RAB11FIP1: variants seen among roughly 807,000 people sequenced by gnomAD.
RAB11FIP1 encodes rab11 family-interacting protein 1.
A neutral mutation model predicts 83.1 loss-of-function variants in RAB11FIP1; 49 were observed. That is an observed-to-expected ratio of 0.59 (90% CI 0.47 to 0.75). The LOEUF (loss-of-function observed/expected upper bound fraction) is 0.75. RAB11FIP1 is among the 30% of genes least tolerant of loss of function. The pLI is 0.00. For synonymous variants in RAB11FIP1, 670 were observed against 656.0 expected (o/e 1.02, Z -0.33); for missense variants, 1,536 against 1,598.7 (o/e 0.96, Z 0.67).
chr8:37,871,260 A>G lies in RAB11FIP1; in HGVS notation c.3524+18T>C. On this transcript the variant is annotated intron_variant, in intron 4 of 5. Transcript: ENST00000330843. ...GACATTGCTCACATTTACATAGACA[A>G]TCTCCCCCATCTCTCACCTGTGCTT... The G allele has an allele frequency of 6.3e-7, 1 of 1,582,414 alleles. No individual in the cohort carries two copies. Among genetic ancestry groups the G allele is most frequent in the Non-Finnish European group, 8.6e-7 (1 of 1,167,552 alleles).
At chr8:37,889,863 A>G (rs1409746973) in intron 1 of RAB11FIP1, among the ~76,000 whole-genome samples, 1 of 152,014 alleles carries the variant, frequency 6.6e-6, no homozygotes, top group Non-Finnish European at 1.5e-5. Context: ...GGCTCACCGC[A>G]AGCTCTGCCT....
At chr8:37,878,047 TTTG>T (rs1806653894) in intron 1 of RAB11FIP1, 1 of 152,150 alleles carries the variant, frequency 6.6e-6, no homozygotes, top group African/African-American at 2.5e-5. Context: ...TTTTATTTCT[TTTG>T]TTTTGTTTTT....
At chr8:37,869,003 G>A (rs1187685536) in intron 5 of RAB11FIP1, among the ~76,000 whole-genome samples, 3 of 152,052 alleles carry the variant, frequency 2.0e-5, no homozygotes, top group Non-Finnish European at 2.9e-5. Context: ...CAAAGCAGGT[G>A]GATCACTTGA....
intron 5 of RAB11FIP1, among the ~76,000 whole-genome samples, chr8:37,866,121 G>A (rs1371562527): frequency 1.3e-5 from 2 of 152,044 alleles, no homozygotes. Context: ...GGATCATGAG[G>A]TCAGGAGTTT....
intron 5 of RAB11FIP1, among the ~76,000 whole-genome samples, chr8:37,867,904 C>T (rs189134726): frequency 1.3e-5 from 2 of 152,252 alleles, no homozygotes; most frequent in East Asian, 3.9e-4. Context: ...CCAGCTCTTA[C>T]TGGTAGACAT....
chr8:37,895,883 C>G (rs990950593), intron 1 of RAB11FIP1, among the ~76,000 whole-genome samples: 22 of 149,926 alleles, frequency 1.5e-4, no homozygotes, highest in South Asian at 2.1e-4. Flanking sequence ...GACAGAGAGA[C>G]ACACACACAC....
chr8:37,894,354 T>A (rs1807016870), intron 1 of RAB11FIP1, among the ~76,000 whole-genome samples: 2 of 152,190 alleles, frequency 1.3e-5, no homozygotes, highest in East Asian at 1.9e-4. Context: ...TTCTTTTTTT[T>A]AATAACCAAC....
In RAB11FIP1 at chr8:37,871,859, C is replaced by G; in HGVS notation, c.2943G>C (p.Gln981His). ...RIDQVEDDGD[Q>H]VEDDGETAKS... ...TTGCTGTCTCTCCATCATCTTCAAC[C>G]TGATCTCCGTCATCTTCAACCTGAT... Residue 981 changes from glutamine to histidine, a missense_variant, in exon 4 of 6, where the codon CAG (glutamine) becomes CAC (histidine). Transcript: ENST00000330843. 4 of 1,614,102 alleles carry G rather than the reference C, an allele frequency of 2.5e-6. No homozygotes were observed. The highest frequency in any genetic ancestry group is 2.2e-5 in the South Asian group (2 of 90,996).
intron 1 of RAB11FIP1, among the ~76,000 whole-genome samples, chr8:37,879,951 T>C (rs756765727): frequency 7.9e-5 from 12 of 152,162 alleles, no homozygotes; most frequent in Non-Finnish European, 1.6e-4. Flanking sequence ...AATGGTTAGT[T>C]GGAAAGGAAG....
At chr8:37,876,555 G>A (rs533820014) in intron 2 of RAB11FIP1, among the ~76,000 whole-genome samples, 11 of 150,798 alleles carry the variant, frequency 7.3e-5, no homozygotes, top group East Asian at 4.0e-4. Context: ...CTATGATCGC[G>A]CCACTGCACT....
intron 1 of RAB11FIP1, among the ~76,000 whole-genome samples, chr8:37,896,243 G>A (rs886247412): frequency 5.9e-5 from 9 of 151,874 alleles, no homozygotes; most frequent in African/African-American, 1.9e-4. Flanking sequence ...CCAGGAGGCA[G>A]AGGTTTCAGT....
chr8:37,894,343 T>C (rs1378672010), intron 1 of RAB11FIP1, among the ~76,000 whole-genome samples: 1 of 152,186 alleles, frequency 6.6e-6, no homozygotes, highest in South Asian at 2.1e-4. Flanking sequence ...CCCTTGCTTT[T>C]TTCTTTTTTT....
intron 1 of RAB11FIP1, among the ~76,000 whole-genome samples, chr8:37,895,766 G>A (rs1218942883): frequency 1.3e-5 from 2 of 152,016 alleles, no homozygotes; most frequent in Non-Finnish European, 2.9e-5. Context: ...GGAAATATTT[G>A]CACAGTTAGC....
At chr8:37,863,478 C>A (rs1806283307) in intron 5 of RAB11FIP1, among the ~76,000 whole-genome samples, 1 of 152,110 alleles carries the variant, frequency 6.6e-6, no homozygotes, top group African/African-American at 2.4e-5. Context: ...GAACTCCTGA[C>A]CCCAGGTGAT....
intron 1 of RAB11FIP1, among the ~76,000 whole-genome samples, chr8:37,888,846 G>A (rs1023549027): frequency 3.1e-4 from 43 of 140,234 alleles, no homozygotes; most frequent in South Asian, 1.8e-3. Context: ...TGCCCAGGCC[G>A]GACTGCAGTG....
Position 37,872,522 on chromosome 8 carries a change from C to T in RAB11FIP1, c.2280G>A (p.Val760=). Residue 760 remains valine, a synonymous_variant, in exon 4 of 6, where the codon GTG becomes GTA. Transcript: ENST00000330843. ...CAGCTGCATCCCTGGCTTTGCTCTCCACAAGAGACCCAGCCTGACTCTCCA... is the reference window on the plus strand; with the variant it reads ...CAGCTGCATCCCTGGCTTTGCTCTCTACAAGAGACCCAGCCTGACTCTCCA... The part of the protein sequence containing the change: ...RDLESQAGSL[V]ESKARDAAEE... 1 of 1,614,190 alleles carries T rather than the reference C, an allele frequency of 6.2e-7. No individual in the cohort carries two copies. Among genetic ancestry groups the T allele is most frequent in the Non-Finnish European group, 8.5e-7 (1 of 1,180,020 alleles).
chr8:37,882,008 C>G (rs942452136), intron 1 of RAB11FIP1, among the ~76,000 whole-genome samples: 2 of 152,154 alleles, frequency 1.3e-5, no homozygotes, highest in Non-Finnish European at 2.9e-5. Context: ...CAGTTGCAGG[C>G]ACCTGAAAAG....
At chr8:37,891,202 C>A (rs983970147) in intron 1 of RAB11FIP1, among the ~76,000 whole-genome samples, 4 of 152,172 alleles carry the variant, frequency 2.6e-5, no homozygotes, top group Non-Finnish European at 5.9e-5. Context: ...AATTCAGAGA[C>A]CCTTAGGTCT....
At position 37,874,617 on chromosome 8, in the gene RAB11FIP1, T is replaced by G; in HGVS notation, c.1520A>C (p.Asp507Ala). 2 of 1,614,186 alleles carry G rather than the reference T, an allele frequency of 1.2e-6. No individual in the cohort carries two copies. The highest frequency in any genetic ancestry group is 2.2e-5 in the South Asian group (2 of 91,080). The change falls in exon 3 of 6, where the codon GAT becomes GCT. Residue 507 changes from aspartate (D) to alanine (A), a missense_variant. Transcript: ENST00000330843. The stretch of plus-strand genomic sequence containing the variant: ...AGCTTCTGGTTCTGTGATCTGCACA[T>G]CTTCAAAGAGGTTCAGGGAGCTGCC... ...RQGSSLNLFE[D>A]VQITEPEAEP...
Sources: allele counts gnomAD v4.1 joint callset (sites outside exome capture counted in the v4.1 genomes callset), GRCh38; gene constraint gnomAD v4.1.1; transcripts MANE v1.5; gene names NCBI Gene and HGNC (gene_info 2026-07-23, HGNC 2026-07-21).